The following RBFOX1 variants were observed in gnomAD, a reference collection of about 807,000 sequenced individuals.
RBFOX1 encodes the protein RNA binding fox-1 homolog 1, also known as RNA binding protein fox-1 homolog 1.
RBFOX1 carries 8 observed loss-of-function variants against 57.7 expected under a neutral mutation model. That is an observed-to-expected ratio of 0.14 (90% CI 0.08 to 0.25). The LOEUF is 0.25. RBFOX1 is among the 10% of genes least tolerant of loss of function. The pLI is 1.00. For missense variants in RBFOX1, 611 were observed against 548.5 expected, an observed-to-expected ratio of 1.11 and a Z score of -1.14; for synonymous variants, 326 against 222.4, an observed-to-expected ratio of 1.47 and a Z score of -4.15.
chr16:6,528,552 C>G (rs74005260), intron 2 of RBFOX1, among the ~76,000 whole-genome samples: 2,332 of 152,242 alleles, frequency 0.015, 56 homozygotes, highest in African/African-American at 0.054. Flanking sequence ...ATATTTGGAA[C>G]TGGTGGAAAT....
chr16:7,103,856 C>T (rs763129998), intron 4 of RBFOX1, among the ~76,000 whole-genome samples: 1 of 152,116 alleles, frequency 6.6e-6, no homozygotes, highest in East Asian at 1.9e-4. Context: ...AGTACTATTA[C>T]CTAGTGATAC....
chr16:7,607,831 C>T (rs937622733), intron 10 of RBFOX1, among the ~76,000 whole-genome samples: 3 of 152,160 alleles, frequency 2.0e-5, no homozygotes, highest in African/African-American at 7.2e-5. Flanking sequence ...TGTCCGTCTT[C>T]GTTCATTAAT....
At chr16:6,792,939 G>A (rs763292817) in intron 3 of RBFOX1, among the ~76,000 whole-genome samples, 3 of 151,266 alleles carry the variant, frequency 2.0e-5, no homozygotes, top group African/African-American at 7.3e-5. Flanking sequence ...CTGAGGCAGA[G>A]AATTGCTTGA....
rs539504181 is a variant in RBFOX1, at chr16:7,453,485, G to A, written c.28-64662G>A. Among the ~76,000 whole-genome samples the A allele has an allele frequency of 2.0e-5, 3 of 152,300 alleles. No individual in the cohort carries two copies. In the South Asian group the frequency reaches 6.2e-4, roughly 32 times the overall value. On this transcript the variant is annotated intron_variant, in intron 4 of 15. Coordinates refer to ENST00000550418, the MANE Select transcript of RBFOX1 (RefSeq NM_018723.4). ...AATAGGGATTCATTAAAGGTTTTAA[G>A]CATTGTAGCCTTAAAAGGACGAGCA...
intron 2 of RBFOX1, among the ~76,000 whole-genome samples, chr16:6,547,278 C>A (rs540672698): frequency 5.9e-5 from 9 of 152,098 alleles, no homozygotes; most frequent in Non-Finnish European, 1.0e-4. Context: ...TTACCAGCCC[C>A]GGCTGGTGAT....
In RBFOX1 at chr16:5,775,763, G is replaced by T. The variant is rs772876911; in HGVS notation, c.319-91540G>T. On this transcript the variant is annotated intron_variant, in intron 3 of 19. Transcript: ENST00000641259. The stretch of plus-strand genomic sequence containing the variant: ...ATGGAATGCTGCAATGTCCACTAAC[G>T]TAGGGGTTTTTCAAGAACAAGGAGC... Among the ~76,000 whole-genome samples the T allele has an allele frequency of 4.0e-4, 61 of 152,220 alleles. 2 individuals are homozygous for T. Among genetic ancestry groups the T allele is most frequent in the Admixed American group, 4.0e-3 (61 of 15,288 alleles).
chr16:6,013,081 C>A (rs2094971358), intron 4 of RBFOX1, among the ~76,000 whole-genome samples: 1 of 151,900 alleles, frequency 6.6e-6, no homozygotes, highest in South Asian at 2.1e-4. Context: ...GTCATTGTCC[C>A]CATTTTATGT....
intron 7 of RBFOX1, among the ~76,000 whole-genome samples, chr16:7,592,730 A>C (rs2094506732): frequency 6.6e-6 from 1 of 152,204 alleles, no homozygotes; most frequent in Non-Finnish European, 1.5e-5. Flanking sequence ...TTTTGGCTGT[A>C]CCTCTACATG....
exon 1 of RBFOX1, chr16:5,239,935 A>AGGGATGGCCGGCCCAGGAGGGAGG (rs1364609451): frequency 6.6e-7 from 1 of 1,523,740 alleles, no homozygotes; most frequent in Admixed American, 2.0e-5. Flanking sequence ...GCCCCGAGGC[A>AGGGATGGCCGGCCCAGGAGGGAGG]GGGATGGCCG....
intron 3 of RBFOX1, among the ~76,000 whole-genome samples, chr16:6,781,479 T>C (rs2081011295): frequency 6.6e-6 from 1 of 152,160 alleles, no homozygotes; most frequent in African/African-American, 2.4e-5. Flanking sequence ...CTTGATTTTT[T>C]AGAATAGTTT....
At chr16:6,959,999 A>C (rs950166774) in intron 3 of RBFOX1, among the ~76,000 whole-genome samples, 1 of 152,158 alleles carries the variant, frequency 6.6e-6, no homozygotes, top group Non-Finnish European at 1.5e-5. Context: ...CTGAAATGTA[A>C]CAAAAACCCC....
intron 4 of RBFOX1, among the ~76,000 whole-genome samples, chr16:7,226,474 C>T (rs1310884181): frequency 6.6e-6 from 1 of 152,170 alleles, no homozygotes; most frequent in African/African-American, 2.4e-5. Flanking sequence ...TGCATTGACT[C>T]TCCACTTGAT....
chr16:7,121,556 A>T (rs1480989853), intron 4 of RBFOX1, among the ~76,000 whole-genome samples: 2 of 152,098 alleles, frequency 1.3e-5, no homozygotes, highest in East Asian at 3.8e-4. Context: ...TATTTGTGAA[A>T]TTAAAAAAGC....
chr16:6,105,953 C>T (rs2096373150), intron 1 of RBFOX1, among the ~76,000 whole-genome samples: 1 of 152,016 alleles, frequency 6.6e-6, no homozygotes, highest in Non-Finnish European at 1.5e-5. Context: ...GATACACCAT[C>T]CCACTTGCCA....
At chr16:6,471,715 T>G (rs996125507) in intron 2 of RBFOX1, among the ~76,000 whole-genome samples, 10 of 152,118 alleles carry the variant, frequency 6.6e-5, no homozygotes, top group African/African-American at 9.7e-5. Flanking sequence ...AGAGGTTTAT[T>G]CATCTCAGCA....
intron 1 of RBFOX1, among the ~76,000 whole-genome samples, chr16:5,271,124 A>G (rs2062994511): frequency 6.6e-6 from 1 of 152,192 alleles, no homozygotes; most frequent in African/African-American, 2.4e-5. Context: ...CAGAGGTTGC[A>G]GTGAGCCAAG....
chr16:6,031,479 A>C (rs1401970858), intron 1 of RBFOX1, among the ~76,000 whole-genome samples: 1 of 152,206 alleles, frequency 6.6e-6, no homozygotes, highest in African/African-American at 2.4e-5. Flanking sequence ...TGCGAGAATA[A>C]GGTACAAGGA....
chr16:7,584,604 T>G (rs1567958607), intron 6 of RBFOX1, among the ~76,000 whole-genome samples: 1 of 152,222 alleles, frequency 6.6e-6, no homozygotes, highest in Non-Finnish European at 1.5e-5. Flanking sequence ...ATCCTGCTCT[T>G]GATACAGCTA....
chr16:6,792,039 C>G (rs958782023), intron 3 of RBFOX1, among the ~76,000 whole-genome samples: 8 of 151,970 alleles, frequency 5.3e-5, no homozygotes, highest in East Asian at 1.9e-4. Flanking sequence ...AAGATTTTAC[C>G]CTGAATTGCG....
Sources: gnomAD v4.1 joint callset for allele counts (sites outside exome capture counted in the v4.1 genomes callset) on GRCh38, gnomAD v4.1.1 for gene constraint, MANE v1.5 for transcripts, NCBI Gene and HGNC (gene_info 2026-07-23, HGNC 2026-07-21) for gene names.